Variants in EPAS1 observed in about 807,000 individuals in gnomAD.
EPAS1 encodes endothelial PAS domain protein 1.
A neutral mutation model predicts 87.9 loss-of-function variants in EPAS1; 23 were observed. That is an observed-to-expected ratio of 0.26 (90% CI 0.19 to 0.37). EPAS1 has a LOEUF of 0.37. EPAS1 is among the 10% of genes least tolerant of loss of function. The probability of loss-of-function intolerance (pLI) is 1.00; values close to 1 mark genes in which losing one functional copy is unlikely to be tolerated. For missense variants in EPAS1, 1,138 were observed against 1,120.7 expected, an observed-to-expected ratio of 1.02 and a Z score of -0.22; for synonymous variants, 508 against 444.3, an observed-to-expected ratio of 1.14 and a Z score of -1.80.
rs1305669863 is a variant in EPAS1 at position 46,375,476 on chromosome 2, C to G, written c.887-214C>G. Among the ~76,000 whole-genome samples the G allele has an allele frequency of 7.2e-5, 11 of 152,130 alleles. No homozygotes were observed. Among genetic ancestry groups the G allele is most frequent in the Admixed American group, 7.2e-4 (11 of 15,278 alleles). On this transcript the variant is annotated intron_variant, in intron 7 of 15. Transcript: ENST00000263734. This position sits in a 1 kb window ranked among gnomAD's most constrained non-coding sequence, Gnocchi z 4.1. ...CAGCCTTGGGCAAGTCATTTCACCT[C>G]TTCTCACCTCTTTTTCCTATATTTA...
chr2:46,384,379 G>A, intron 15 of EPAS1, 130 bp from the exon 16 acceptor site: 3 of 1,325,984 alleles, frequency 2.3e-6, no homozygotes, highest in East Asian at 2.3e-5. Context: ...CAGGCCGTGG[G>A]ACAGACACCA....
At chr2:46,335,019 T>C (rs1162301181) in intron 1 of EPAS1, among the ~76,000 whole-genome samples, 1 of 152,164 alleles carries the variant, frequency 6.6e-6, no homozygotes, top group African/African-American at 2.4e-5. Flanking sequence ...CAGGACAGAT[T>C]CTCTACCAGC....
chr2:46,364,307 A>C lies in EPAS1; in HGVS notation c.779+3217A>C, dbSNP rs1213847076. On this transcript the variant is annotated intron_variant, in intron 6 of 15. Coordinates refer to ENST00000263734, the MANE Select transcript of EPAS1 (RefSeq NM_001430.5). ...TTAGAATCTGAAGAAAATGTATGGC[A>C]GTTAGAATCCACAAAATCAATTTTG... 2.0e-5 allele frequency among the ~76,000 whole-genome samples: 3 copies of C among 152,236 alleles called. No individual in the cohort carries two copies. In the South Asian group the frequency reaches 6.2e-4, roughly 31 times the overall value.
chr2:46,349,967 A>C lies in EPAS1; in HGVS notation c.217+2904A>C, dbSNP rs1229442308. Among the ~76,000 whole-genome samples, 5 of 152,200 alleles carry C rather than the reference A, an allele frequency of 3.3e-5. No homozygotes were observed. In the East Asian group the frequency reaches 9.6e-4, roughly 29 times the overall value. ...TGAGCTTTAGTTTCCTCATCTGCAC[A>C]AAGGGAATAATGGTGCTTACCCTGC... is the stretch of plus-strand genomic sequence containing the variant. On this transcript the variant is annotated intron_variant, in intron 2 of 15. Coordinates refer to ENST00000263734, the MANE Select transcript of EPAS1 (RefSeq NM_001430.5).
intron 1 of EPAS1, among the ~76,000 whole-genome samples, chr2:46,344,767 G>A (rs1004884193): frequency 1.3e-5 from 2 of 152,130 alleles, no homozygotes; most frequent in Admixed American, 6.5e-5. Context: ...GAGACATGAC[G>A]AGAAAAATAG....
intron 1 of EPAS1, among the ~76,000 whole-genome samples, chr2:46,327,301 A>G (rs192658540): frequency 1.5e-4 from 23 of 152,350 alleles, no homozygotes; most frequent in African/African-American, 5.3e-4. Context: ...AGGAGCTATA[A>G]TCTAAGTGAG....
At chr2:46,354,355 A>G (rs773151959) in intron 2 of EPAS1, among the ~76,000 whole-genome samples, 1 of 152,114 alleles carries the variant, frequency 6.6e-6, no homozygotes, top group Non-Finnish European at 1.5e-5. Flanking sequence ...AAATCAAGTG[A>G]GGCATATTTT....
At chr2:46,379,935 A>G (rs1684847981) in intron 11 of EPAS1, 1 of 504,042 alleles carries the variant, frequency 2.0e-6, no homozygotes, top group East Asian at 3.7e-5. Flanking sequence ...CCTCGGCTTC[A>G]AGAGAGAAGG....
chr2:46,326,797 G>A (rs1050838974), intron 1 of EPAS1, among the ~76,000 whole-genome samples: 5 of 152,178 alleles, frequency 3.3e-5, no homozygotes, highest in East Asian at 1.9e-4. Context: ...CAAGACAGGA[G>A]ATAGTAAATA....
chr2:46,325,850 A>C (rs1683551242), intron 1 of EPAS1, among the ~76,000 whole-genome samples: 1 of 152,220 alleles, frequency 6.6e-6, no homozygotes, highest in African/African-American at 2.4e-5. Context: ...GGACACAAAG[A>C]AGAAACAGAA....
chr2:46,373,755 T>C (rs12467821), intron 7 of EPAS1, among the ~76,000 whole-genome samples: 58,072 of 152,078 alleles, frequency 0.38, 12,892 homozygotes, highest in Non-Finnish European at 0.52. Context: ...GGGTGTGTGT[T>C]TTATTGAAGG....
At chr2:46,356,655 T>C in intron 3 of EPAS1, 69 bp from the exon 4 acceptor site, 2 of 1,275,186 alleles carry the variant, frequency 1.6e-6, no homozygotes, top group Non-Finnish European at 2.3e-6. Flanking sequence ...GGAAGGTGGC[T>C]CAGCTTACTC....
rs66811540 is a variant in EPAS1 at position 46,356,133 on chromosome 2, ACC to A, written c.218-9_218-8del. Reference sequence around the variant, plus strand: ...ACTCCACATTCATGCAAGCTGTCCCACCCCCCCCCCTTTCCAGTTTGCTCTGA... The same window carrying A: ...ACTCCACATTCATGCAAGCTGTCCCACCCCCCCCTTTCCAGTTTGCTCTGA... On this transcript the variant is annotated splice_polypyrimidine_tract_variant and intron_variant, in intron 2 of 15. Transcript: ENST00000263734. 591 of 1,216,048 alleles carry A rather than the reference ACC, an allele frequency of 4.9e-4. 2 individuals are homozygous for A. The highest frequency in any genetic ancestry group is 5.9e-4 in the Non-Finnish European group (513 of 865,412). 75.3% of individuals were successfully genotyped at this position (1,216,048 alleles called of 1,614,324 possible).
In EPAS1 at chr2:46,380,429, A is replaced by G. The variant is rs1684860361; in HGVS notation, c.1757A>G (p.Asp586Gly). 1 of 1,614,030 alleles carries G rather than the reference A, an allele frequency of 6.2e-7. No homozygotes were observed. The highest frequency in any genetic ancestry group is 8.5e-7 in the Non-Finnish European group (1 of 1,180,036). The change falls in exon 12 of 16, where the codon GAC becomes GGC. Residue 586 changes from aspartate (D) to glycine (G), a missense_variant. Coordinates refer to ENST00000263734, the MANE Select transcript of EPAS1 (RefSeq NM_001430.5). This position sits in a 1 kb window ranked among gnomAD's most constrained non-coding sequence, Gnocchi z 4.4. ...GCCCCGCACAGTCCCTTCCTCCTGG[A>G]CAAGTTTCAGCAGCAGCTGGAGAGC... Reference protein sequence around the residue: ...PVAPHSPFLLDKFQQQLESKK... With the variant: ...PVAPHSPFLLGKFQQQLESKK...
intron 7 of EPAS1, among the ~76,000 whole-genome samples, chr2:46,372,763 A>G (rs1684652996): frequency 6.6e-6 from 1 of 152,250 alleles, no homozygotes; most frequent in African/African-American, 2.4e-5. Flanking sequence ...TTAGAAATGC[A>G]CTTAAAACCT....
At chr2:46,323,272 TCTA>T (rs1196349651) in intron 1 of EPAS1, among the ~76,000 whole-genome samples, 1 of 152,254 alleles carries the variant, frequency 6.6e-6, no homozygotes, top group African/African-American at 2.4e-5. Context: ...AAATAGTTAT[TCTA>T]CTCTTTGGCA....
At chr2:46,298,250 C>A (rs903358184) in intron 1 of EPAS1, among the ~76,000 whole-genome samples, 4 of 152,236 alleles carry the variant, frequency 2.6e-5, no homozygotes, top group African/African-American at 9.6e-5. Flanking sequence ...AGCCGCCCCG[C>A]AGCAGATTAC....
chr2:46,381,317 C>T (rs918903042), intron 12 of EPAS1: 1 of 498,690 alleles, frequency 2.0e-6, no homozygotes, highest in South Asian at 2.0e-5. Flanking sequence ...AGAGGAGAGA[C>T]ATGGGCAGAA....
At chr2:46,301,236 C>T (rs562755471) in intron 1 of EPAS1, among the ~76,000 whole-genome samples, 16 of 151,944 alleles carry the variant, frequency 1.1e-4, no homozygotes, top group African/African-American at 2.7e-4. Flanking sequence ...AAACTGATGC[C>T]GAGAGAGGTT....
Sources: allele counts gnomAD v4.1 joint callset (sites outside exome capture counted in the v4.1 genomes callset), GRCh38; gene constraint gnomAD v4.1.1; non-coding constraint Gnocchi (gnomAD v3.1); transcripts MANE v1.5; gene names NCBI Gene and HGNC (gene_info 2026-07-23, HGNC 2026-07-21).